Variants in PALLD observed in about 807,000 individuals in gnomAD.
PALLD encodes the protein palladin.
A neutral mutation model predicts 123.5 loss-of-function variants in PALLD; 61 were observed. The observed-to-expected ratio is 0.49, with a 90% CI of 0.40 to 0.61. The LOEUF (loss-of-function observed/expected upper bound fraction) is 0.61. Ranked by LOEUF, PALLD falls within the 20% of genes least tolerant of loss-of-function variation. The pLI, the probability that PALLD is intolerant of heterozygous loss-of-function variation, is 0.00. For synonymous variants in PALLD, 465 were observed against 496.4 expected, an observed-to-expected ratio of 0.94 and a Z score of 0.84; for missense variants, 1,273 against 1,377.0, an observed-to-expected ratio of 0.92 and a Z score of 1.20.
intron 10 of PALLD, among the ~76,000 whole-genome samples, chr4:168,776,007 G>T (rs899640302): frequency 1.3e-5 from 2 of 152,090 alleles, no homozygotes; most frequent in Admixed American, 1.3e-4. Flanking sequence ...AGTTGTTTTG[G>T]CTACTCTTGG....
At chr4:168,889,609 C>T (rs567432438) in intron 10 of PALLD, among the ~76,000 whole-genome samples, 4 of 152,302 alleles carry the variant, frequency 2.6e-5, no homozygotes, top group African/African-American at 7.2e-5. Context: ...TGACCCTCCC[C>T]AATTGCATCC....
chr4:168,542,665 CTCTCTA>C (rs1436654903), intron 2 of PALLD, among the ~76,000 whole-genome samples: 11 of 78,776 alleles, frequency 1.4e-4, no homozygotes, highest in African/African-American at 6.8e-4. Context: ...AAAGCTCTCT[CTCTCTA>C]TATATATATA....
At chr4:168,583,245 A>G (rs1200265032) in intron 2 of PALLD, among the ~76,000 whole-genome samples, 1 of 152,190 alleles carries the variant, frequency 6.6e-6, no homozygotes, top group Admixed American at 6.5e-5. Context: ...TGTTCCTACA[A>G]TATTTTGCTA....
chr4:168,857,367 A>G (rs1019152106), intron 10 of PALLD, among the ~76,000 whole-genome samples: 1 of 152,200 alleles, frequency 6.6e-6, no homozygotes, highest in Non-Finnish European at 1.5e-5. Flanking sequence ...ACCCCATTGT[A>G]GACTTCACAT....
intron 2 of PALLD, among the ~76,000 whole-genome samples, chr4:168,578,712 G>A (rs4458418): frequency 0.14 from 21,825 of 151,920 alleles, 1,924 homozygotes; most frequent in East Asian, 0.27. Flanking sequence ...TAGATTGATA[G>A]AATAGACAGA....
intron 2 of PALLD, among the ~76,000 whole-genome samples, chr4:168,585,622 G>A (rs967415272): frequency 6.6e-6 from 1 of 151,800 alleles, no homozygotes; most frequent in Non-Finnish European, 1.5e-5. Context: ...CAGGCACTGA[G>A]TGTGCCCCTG....
At position 168,927,694 on chromosome 4, in the gene PALLD, TGTAAAGGCATCTCG is replaced by T. The variant is rs1762732822; in HGVS notation, c.*1521_*1534del. 1 of 225,746 alleles carries T rather than the reference TGTAAAGGCATCTCG, an allele frequency of 4.4e-6. No individual in the cohort carries two copies. The highest frequency in any genetic ancestry group is 8.8e-6 in the Non-Finnish European group (1 of 113,072). The allele number at this position is 225,746 out of a possible 1,614,324, so 14.0% of individuals were successfully genotyped here. ...TAAGAAGGTGCTGGATTCCAAGGTT[TGTAAAGGCATCTCG>T]GTAAAGACTGCTTTTTGAATGCATA... On this transcript the variant is annotated 3_prime_UTR_variant, in exon 22 of 22. Coordinates refer to ENST00000505667, the MANE Select transcript of PALLD (RefSeq NM_001166108.2).
intron 10 of PALLD, among the ~76,000 whole-genome samples, chr4:168,769,756 ACTCAT>A (rs1210032222): frequency 2.0e-5 from 3 of 152,180 alleles, no homozygotes; most frequent in Admixed American, 1.3e-4. Flanking sequence ...CTAGAGGAAC[ACTCAT>A]AATGTTGAAA....
chr4:168,743,461 A>G (rs1385450256), intron 10 of PALLD, among the ~76,000 whole-genome samples: 6 of 152,162 alleles, frequency 3.9e-5, no homozygotes, highest in Admixed American at 3.3e-4. Flanking sequence ...AAAGACATTA[A>G]TGATGATGTT....
intron 10 of PALLD, among the ~76,000 whole-genome samples, chr4:168,747,937 G>A (rs1343525611): frequency 6.6e-6 from 1 of 152,024 alleles, no homozygotes; most frequent in Admixed American, 6.6e-5. Flanking sequence ...TCAAATATTG[G>A]GAAAAGTCGG....
chr4:168,805,359 G>T (rs1406121681), intron 10 of PALLD, among the ~76,000 whole-genome samples: 1 of 152,058 alleles, frequency 6.6e-6, no homozygotes, highest in South Asian at 2.1e-4. Flanking sequence ...TTGCTTTAAG[G>T]GAGGGACAGA....
At chr4:168,862,022 A>G (rs1339160390) in intron 10 of PALLD, among the ~76,000 whole-genome samples, 1 of 152,280 alleles carries the variant, frequency 6.6e-6, no homozygotes, top group Admixed American at 6.5e-5. Flanking sequence ...TGGAAATCCA[A>G]TAGGGTTTGG....
At chr4:168,845,475 A>G (rs1027970990) in intron 10 of PALLD, among the ~76,000 whole-genome samples, 2 of 152,242 alleles carry the variant, frequency 1.3e-5, no homozygotes, top group African/African-American at 4.8e-5. Context: ...TACAAGAAAA[A>G]AAGCAATATA....
intron 10 of PALLD, among the ~76,000 whole-genome samples, chr4:168,850,240 T>C (rs1032673717): frequency 4.7e-4 from 72 of 152,110 alleles, no homozygotes; most frequent in African/African-American, 1.6e-3. Context: ...GAGTGCTTTC[T>C]TCTGCAACCT....
At chr4:168,741,264 C>A (rs866673971) in intron 10 of PALLD, among the ~76,000 whole-genome samples, 2 of 152,086 alleles carry the variant, frequency 1.3e-5, no homozygotes, top group African/African-American at 4.8e-5. Context: ...TTGTCTTCAT[C>A]GCTATAATAT....
chr4:168,639,265 C>T (rs1776655251), intron 2 of PALLD, among the ~76,000 whole-genome samples: 1 of 152,216 alleles, frequency 6.6e-6, no homozygotes, highest in South Asian at 2.1e-4. Flanking sequence ...GAAACTGAGG[C>T]CCAGACAAGT....
Position 168,916,009 on chromosome 4 carries a change from C to G in PALLD, c.2832C>G (p.Leu944=). The G allele has an allele frequency of 6.2e-7, 1 of 1,613,934 alleles. No homozygotes were observed. Among genetic ancestry groups the G allele is most frequent in the Non-Finnish European group, 8.5e-7 (1 of 1,179,860 alleles). ...PGDLTVQEGK[L]CRMDCKVSGL... is the part of the protein sequence containing the mutation. The stretch of plus-strand genomic sequence containing the variant: ...ATCTGACTGTTCAAGAAGGAAAACT[C>G]TGCAGAATGGACTGCAAAGTAAGAT... Residue 944 remains leucine, a synonymous_variant, in exon 17 of 22, where the codon CTC becomes CTG. Coordinates refer to ENST00000505667, the MANE Select transcript of PALLD (RefSeq NM_001166108.2).
chr4:168,726,447 A>T (rs556631634), intron 10 of PALLD, among the ~76,000 whole-genome samples: 63 of 152,284 alleles, frequency 4.1e-4, no homozygotes, highest in Middle Eastern at 3.4e-3. Flanking sequence ...AGGATCATTC[A>T]TGCTCTCTTC....
intron 2 of PALLD, among the ~76,000 whole-genome samples, chr4:168,617,504 G>T (rs1210958048): frequency 6.6e-6 from 1 of 152,080 alleles, no homozygotes; most frequent in Non-Finnish European, 1.5e-5. Context: ...CAAGACTAGG[G>T]GCCGGCCAGT....
Sources: allele counts gnomAD v4.1 joint callset (sites outside exome capture counted in the v4.1 genomes callset), GRCh38; gene constraint gnomAD v4.1.1; transcripts MANE v1.5; gene names NCBI Gene and HGNC (gene_info 2026-07-23, HGNC 2026-07-21).